The following FIBCD1 variants were observed in gnomAD, a reference collection of about 807,000 sequenced individuals.
FIBCD1 encodes the protein fibrinogen C domain containing 1.
A neutral mutation model predicts 45.1 loss-of-function variants in FIBCD1; 47 were observed. The ratio of observed to expected loss-of-function variants is 1.04; its 90% CI spans 0.82 to 1.33. The LOEUF (loss-of-function observed/expected upper bound fraction) is 1.33, where lower values mean the gene tolerates loss of function less well. Among genes scored for constraint, FIBCD1 ranks in the 40% most tolerant of loss-of-function variants. The probability of loss-of-function intolerance (pLI) is 0.00; values close to 1 mark genes in which losing one functional copy is unlikely to be tolerated. For missense variants in FIBCD1, 653 were observed against 682.2 expected (o/e 0.96, Z 0.48); for synonymous variants, 313 against 308.1 (o/e 1.02, Z -0.17).
intron 4 of FIBCD1, among the ~76,000 whole-genome samples, chr9:130,913,261 CCTTTATTCTCCCTG>C (rs1480254385): frequency 3.8e-5 from 4 of 105,900 alleles, no homozygotes; most frequent in East Asian, 2.6e-4. Context: ...GCTTTATTCT[CCTTTATTCTCCCTG>C]CTTTATTCTC....
At chr9:130,914,772 T>C (rs1342595181) in intron 4 of FIBCD1, among the ~76,000 whole-genome samples, 1 of 151,962 alleles carries the variant, frequency 6.6e-6, no homozygotes, top group African/African-American at 2.4e-5. Flanking sequence ...TTTACGTAAC[T>C]CGCCAGACCC....
intron 2 of FIBCD1, among the ~76,000 whole-genome samples, chr9:130,925,406 G>A (rs1488772310): frequency 1.1e-4 from 17 of 152,152 alleles, no homozygotes; most frequent in Admixed American, 7.2e-4. Context: ...GGGACGGGGC[G>A]GTGGTTTGGA....
chr9:130,929,758 C>G lies in FIBCD1; in HGVS notation c.361G>C (p.Glu121Gln), dbSNP rs1310775036. 3.8e-6 allele frequency: 6 copies of G among 1,561,164 alleles called. No homozygotes were observed. In the Admixed American group the frequency reaches 1.1e-4, roughly 30 times the overall value. ...AQASVLQALT[E>Q]HQAQPRLVGD... ...ACCAGCCGTGGCTGGGCCTGGTGCT[C>G]TGTCAGCGCCTGCAGCACCGAGGCC... Residue 121 changes from glutamate to glutamine, a missense_variant, in exon 2 of 7, where the codon GAG (glutamate) becomes CAG (glutamine). Physicochemically the swap from Glu to Gln is conservative, Grantham distance 29 (BLOSUM62 2). Coordinates refer to ENST00000372338, the MANE Select transcript of FIBCD1 (RefSeq NM_032843.5).
Position 130,929,635 on chromosome 9 carries a change from G to A in FIBCD1, c.484C>T (p.Arg162Trp), listed in dbSNP as rs1335588419. The change falls in exon 2 of 7, where the codon CGG (arginine) becomes TGG (tryptophan). Residue 162 changes from arginine (R) to tryptophan (W), a missense_variant. Coordinates refer to ENST00000372338, the MANE Select transcript of FIBCD1 (RefSeq NM_032843.5). ...SELQTECMGL[R>W]KGHGTLGQGL... ...TGGCCCAGCGTGCCATGCCCCTTCC[G>A]CAGCCCCATGCACTCCGTCTGCAGC... is the stretch of plus-strand genomic sequence containing the variant. 8.3e-6 allele frequency: 13 copies of A among 1,561,960 alleles called. No individual in the cohort carries two copies. The highest frequency in any genetic ancestry group is 6.8e-5 in the African/African-American group (5 of 73,278).
At chr9:130,940,117 T>A (rs1199358724), upstream of FIBCD1, among the ~76,000 whole-genome samples, 1 of 152,222 alleles carries the variant, frequency 6.6e-6, no homozygotes, top group African/African-American at 2.4e-5. Flanking sequence ...GCTGCCAGTC[T>A]GTCGCCCCAT....
At chr9:130,906,435 G>A (rs759419266) in intron 5 of FIBCD1, among the ~76,000 whole-genome samples, 2 of 152,230 alleles carry the variant, frequency 1.3e-5, no homozygotes, top group Admixed American at 6.5e-5. Flanking sequence ...CCCCCATCCC[G>A]CCCGGACAAG....
chr9:130,916,180 T>A (rs1033630376), intron 4 of FIBCD1, among the ~76,000 whole-genome samples: 10 of 152,228 alleles, frequency 6.6e-5, no homozygotes, highest in Admixed American at 2.0e-4. Context: ...CCACCCACCT[T>A]GGCCTCCCAA....
chr9:130,909,948 A>G (rs1832006509), intron 5 of FIBCD1, among the ~76,000 whole-genome samples: 1 of 152,210 alleles, frequency 6.6e-6, no homozygotes, highest in African/African-American at 2.4e-5. Context: ...GTGAGAGGTG[A>G]CAGCGTGCTG....
At chr9:130,917,066 C>G (rs1404642461) in intron 4 of FIBCD1, among the ~76,000 whole-genome samples, 2 of 152,168 alleles carry the variant, frequency 1.3e-5, no homozygotes, top group African/African-American at 4.8e-5. Flanking sequence ...CCACTGCACT[C>G]CAGCCTGGGC....
At chr9:130,924,019 G>T in intron 3 of FIBCD1, 139 bp from the exon 4 acceptor site, 1 of 1,390,108 alleles carries the variant, frequency 7.2e-7, no homozygotes, top group Non-Finnish European at 9.8e-7. Context: ...GTCCGACCTT[G>T]GCTCTGCCAC....
At chr9:130,929,437 C>A (rs1459067130) in intron 2 of FIBCD1, 130 bp downstream of exon 2, 2 of 1,234,904 alleles carry the variant, frequency 1.6e-6, no homozygotes, top group Admixed American at 6.0e-5. Flanking sequence ...TAGATGGGAA[C>A]AGCAGTAGCC....
intron 6 of FIBCD1, among the ~76,000 whole-genome samples, chr9:130,904,857 G>C (rs1466592661): frequency 6.6e-6 from 1 of 152,244 alleles, no homozygotes; most frequent in Admixed American, 6.5e-5. Context: ...GAGGGCCGAA[G>C]GGCATCATCA....
chr9:130,917,862 G>A (rs1832194196), intron 4 of FIBCD1, among the ~76,000 whole-genome samples: 1 of 152,164 alleles, frequency 6.6e-6, no homozygotes, highest in Non-Finnish European at 1.5e-5. Context: ...AGAGGAGTGG[G>A]GATGAGAGTG....
chr9:130,912,044 CT>C (rs1231520750), intron 4 of FIBCD1, among the ~76,000 whole-genome samples, 156 bp from the exon 5 acceptor site: 1 of 151,916 alleles, frequency 6.6e-6, no homozygotes, highest in African/African-American at 2.4e-5. Flanking sequence ...GCAACGGCCC[CT>C]GGCCAGGGGC....
intron 4 of FIBCD1, among the ~76,000 whole-genome samples, 200 bp from the exon 5 acceptor site, chr9:130,912,088 G>A (rs934805199): frequency 2.0e-5 from 3 of 151,988 alleles, no homozygotes; most frequent in African/African-American, 7.2e-5. Context: ...GAGCCTCATG[G>A]TGGCTCGAGG....
intron 2 of FIBCD1, among the ~76,000 whole-genome samples, chr9:130,927,853 G>A (rs1414119836): frequency 6.6e-6 from 1 of 152,216 alleles, no homozygotes; most frequent in Non-Finnish European, 1.5e-5. Flanking sequence ...TCGAGACGGG[G>A]TTTCACCATG....
At chr9:130,924,449 G>T (rs909287961) in intron 2 of FIBCD1, 53 bp from the exon 3 acceptor site, 3 of 1,519,244 alleles carry the variant, frequency 2.0e-6, no homozygotes, top group Non-Finnish European at 2.7e-6. Flanking sequence ...TGGGGGTGGG[G>T]TGGCGCACAT....
At chr9:130,904,957 G>A (rs773573012) in intron 6 of FIBCD1, among the ~76,000 whole-genome samples, 2 of 152,134 alleles carry the variant, frequency 1.3e-5, no homozygotes, top group Non-Finnish European at 1.5e-5. Flanking sequence ...AAGGACTGAG[G>A]GATCCTTGGT....
In FIBCD1 at chr9:130,923,878, A is replaced by T. The variant is rs751204366; in HGVS notation, c.715T>A (p.Ser239Thr). The change falls in exon 4 of 7, where the codon TCC (serine) becomes ACC (threonine). Residue 239 changes from serine (S) to threonine (T), a missense_variant and splice_region_variant. By Grantham distance (58) the Ser-to-Thr change is moderately conservative (BLOSUM62 1). Coordinates refer to ENST00000372338, the MANE Select transcript of FIBCD1 (RefSeq NM_032843.5). ...GTRPRGCATG[S>T]RPRDCLDVLL... ...ACGTCCAGACAGTCTCGGGGCCGGG[A>T]GCCTGAGGGAGGCAAGGCTGTCAGG... 7 of 1,612,188 alleles carry T rather than the reference A, an allele frequency of 4.3e-6. No homozygotes were observed. The highest frequency in any genetic ancestry group is 5.9e-6 in the Non-Finnish European group (7 of 1,179,920).
Sources: allele counts gnomAD v4.1 joint callset (sites outside exome capture counted in the v4.1 genomes callset), GRCh38; gene constraint gnomAD v4.1.1; transcripts MANE v1.5; gene names NCBI Gene and HGNC (gene_info 2026-07-23, HGNC 2026-07-21).